The following CNOT11 variants were observed in gnomAD, a reference collection of about 807,000 sequenced individuals.
CNOT11 encodes the protein CCR4-NOT transcription complex subunit 11, also known as UPF0760 protein C2orf29.
A neutral mutation model predicts 44.6 loss-of-function variants in CNOT11; 18 were observed. The ratio of observed to expected loss-of-function variants is 0.40; its 90% CI spans 0.28 to 0.60. The LOEUF is 0.60. Among genes scored for constraint, CNOT11 ranks in the 20% least tolerant of loss-of-function variants. The probability of loss-of-function intolerance (pLI) is 0.38; values close to 1 mark genes in which losing one functional copy is unlikely to be tolerated. For synonymous variants in CNOT11, 291 were observed against 270.9 expected (o/e 1.07, Z -0.73); for missense variants, 513 against 677.0 (o/e 0.76, Z 2.69).
At chr2:101,268,997 TA>T in intron 5 of CNOT11, 42 bp from the exon 6 acceptor site, 1 of 1,263,938 alleles carries the variant, frequency 7.9e-7, no homozygotes, top group Non-Finnish European at 1.1e-6. Context: ...TTCTCAATGT[TA>T]GCAAATGAAA....
chr2:101,262,432 A>G (rs1333800418), intron 2 of CNOT11, 107 bp from the exon 3 acceptor site: 5 of 947,524 alleles, frequency 5.3e-6, no homozygotes, highest in Non-Finnish European at 4.9e-6. Context: ...CTCTCTCTGA[A>G]TCTGGCCCTT....
chr2:101,258,134 C>G (rs1038872208), intron 2 of CNOT11, among the ~76,000 whole-genome samples, 179 bp downstream of exon 2: 3 of 152,122 alleles, frequency 2.0e-5, no homozygotes, highest in Admixed American at 6.6e-5. Flanking sequence ...TGGCTCACAC[C>G]TGTAATCCCA....
Position 101,269,443 on chromosome 2 carries a change from C to T in CNOT11, c.*30C>T, listed in dbSNP as rs747754902. On this transcript the variant is annotated 3_prime_UTR_variant, in exon 7 of 7. Transcript: ENST00000289382. This position sits in a 1 kb window ranked among gnomAD's most constrained non-coding sequence, Gnocchi z 4.8. Reference sequence around the variant, plus strand: ...TCATCAGAACCATCCCATCCATTCACTGTTCAGCTGTACTGTGATTTAGTT... The same window carrying T: ...TCATCAGAACCATCCCATCCATTCATTGTTCAGCTGTACTGTGATTTAGTT... 1 of 1,590,258 alleles carries T rather than the reference C, an allele frequency of 6.3e-7. No homozygotes were observed. Among genetic ancestry groups the T allele is most frequent in the South Asian group, 1.1e-5 (1 of 90,510 alleles).
chr2:101,268,585 T>A (rs1327869462), intron 5 of CNOT11, among the ~76,000 whole-genome samples: 3 of 152,090 alleles, frequency 2.0e-5, no homozygotes, highest in African/African-American at 7.2e-5. Context: ...TTGAAAAAAG[T>A]TTTGAGGTCT....
chr2:101,252,898 C>G lies in CNOT11; in HGVS notation c.-67C>G. ...GTCGTGTAACAGCGCGCTTTACGGC[C>G]GCGGGGACGGAGCGAGCCGGCGCCA... On this transcript the variant is annotated 5_prime_UTR_variant, in exon 1 of 7. Coordinates refer to ENST00000289382, the MANE Select transcript of CNOT11 (RefSeq NM_017546.5). 2 of 1,352,912 alleles carry G rather than the reference C, an allele frequency of 1.5e-6. No homozygotes were observed. The highest frequency in any genetic ancestry group is 3.4e-5 in the South Asian group (2 of 59,016). The allele number at this position is 1,352,912 out of a possible 1,614,324, so 83.8% of individuals were successfully genotyped here.
intron 1 of CNOT11, among the ~76,000 whole-genome samples, chr2:101,254,476 G>A (rs1385464548): frequency 6.6e-6 from 1 of 152,132 alleles, no homozygotes; most frequent in East Asian, 1.9e-4. Flanking sequence ...TATCTAAGAA[G>A]GGCAACCCTT....
chr2:101,260,548 C>T (rs908344262), intron 2 of CNOT11, among the ~76,000 whole-genome samples: 1 of 152,066 alleles, frequency 6.6e-6, no homozygotes, highest in Non-Finnish European at 1.5e-5. Context: ...AAGCATGCCT[C>T]CACTCTGGAG....
At chr2:101,256,179 A>C (rs115172439) in intron 1 of CNOT11, among the ~76,000 whole-genome samples, 1 of 151,858 alleles carries the variant, frequency 6.6e-6, no homozygotes, top group Non-Finnish European at 1.5e-5. Context: ...ATTTTGTGCA[A>C]CCGGGGTGTA....
intron 3 of CNOT11, among the ~76,000 whole-genome samples, chr2:101,263,165 C>G (rs956706248): frequency 1.3e-5 from 2 of 151,598 alleles, no homozygotes; most frequent in Non-Finnish European, 2.9e-5. Context: ...GAGCCGAGAT[C>G]GAACCACTGC....
Position 101,257,835 on chromosome 2 carries a change from C to T in CNOT11, c.559C>T (p.Gln187Ter). ...ITPPEKFFLS[Q>*]LMLAPPRELF... ...TCCACCAGAAAAGTTTTTTCTTTCC[C>T]AGCTGATGCTGGCACCCCCACGGGA... The change falls in exon 2 of 7, where the codon CAG (glutamine) becomes TAG (stop). Residue 187 changes from glutamine to a stop codon, truncating the protein, a stop_gained. Transcript: ENST00000289382. LOFTEE classifies it high-confidence loss of function. The T allele has an allele frequency of 6.2e-7, 1 of 1,613,564 alleles. No individual in the cohort carries two copies. Among genetic ancestry groups the T allele is most frequent in the Non-Finnish European group, 8.5e-7 (1 of 1,179,812 alleles).
intron 2 of CNOT11, among the ~76,000 whole-genome samples, chr2:101,261,524 G>T (rs1416663789): frequency 6.6e-6 from 1 of 152,172 alleles, no homozygotes; most frequent in African/African-American, 2.4e-5. Context: ...GCGTGTGAAA[G>T]TGTGTCTCCT....
chr2:101,258,817 A>C (rs1010470243), intron 2 of CNOT11, among the ~76,000 whole-genome samples: 14 of 150,768 alleles, frequency 9.3e-5, no homozygotes, highest in Non-Finnish European at 2.1e-4. Context: ...CTGTCTCAAA[A>C]AAAAAAAAAA....
At position 101,253,115 on chromosome 2, in the gene CNOT11, A is replaced by G; in HGVS notation, c.151A>G (p.Ser51Gly). ...RGGASGPGSG[S>G]GGPGGPAGRM... ...CGGAGCAAGCGGCCCCGGGTCCGGG[A>G]GCGGAGGCCCGGGGGGCCCCGCGGG... The change falls in exon 1 of 7, where the codon AGC becomes GGC. Residue 51 changes from serine to glycine, a missense_variant. Physicochemically the swap from Ser to Gly is moderately conservative, Grantham distance 56. This residue lies in a region of CNOT11 where 259 missense variants were observed against 265.7 expected (regional missense o/e 0.97). Coordinates refer to ENST00000289382, the MANE Select transcript of CNOT11 (RefSeq NM_017546.5). This position sits in a 1 kb window ranked among gnomAD's most constrained non-coding sequence, Gnocchi z 4.3. 6 of 1,528,750 alleles carry G rather than the reference A, an allele frequency of 3.9e-6. No homozygotes were observed. The highest frequency in any genetic ancestry group is 3.5e-6 in the Non-Finnish European group (4 of 1,145,932). 94.7% of individuals were successfully genotyped at this position (1,528,750 alleles called of 1,614,324 possible). A position where few individuals can be genotyped will look rare whatever the true frequency, so the allele number is the denominator to read the frequency against.
intron 5 of CNOT11, among the ~76,000 whole-genome samples, chr2:101,268,315 A>G (rs900986929): frequency 6.6e-6 from 1 of 152,098 alleles, no homozygotes; most frequent in South Asian, 2.1e-4. Context: ...CCCTTTCACC[A>G]TATTCTTATA....
intron 5 of CNOT11, among the ~76,000 whole-genome samples, chr2:101,267,913 C>T (rs186537749): frequency 1.3e-5 from 2 of 152,124 alleles, no homozygotes; most frequent in East Asian, 1.9e-4. Context: ...AACTAAACTT[C>T]AGTACTGGAG....
chr2:101,269,514 T>A lies in CNOT11; in HGVS notation c.*101T>A. 1 of 970,496 alleles carries A rather than the reference T, an allele frequency of 1.0e-6. No homozygotes were observed. The highest frequency in any genetic ancestry group is 1.5e-6 in the Non-Finnish European group (1 of 652,886). The allele number at this position is 970,496 out of a possible 1,614,324, so 60.1% of individuals were successfully genotyped here. On this transcript the variant is annotated 3_prime_UTR_variant, in exon 7 of 7. Coordinates refer to ENST00000289382, the MANE Select transcript of CNOT11 (RefSeq NM_017546.5). The surrounding 1 kb of genome is among the most constrained non-coding windows in gnomAD (Gnocchi z 4.8). ...AGTGGATTGCTTGGTTTAATGCATA[T>A]AAACAGTACTTTATCTACTTAAAGC...
Position 101,269,320 on chromosome 2 carries a change from A to G in CNOT11, c.1440A>G (p.Glu480=), listed in dbSNP as rs552111367. ...TAGAAGTGCAGGCATTCTGTATTGAATTCAGTAGGATACGAGAAGCTGCTG... is the reference window on the plus strand; with the variant it reads ...TAGAAGTGCAGGCATTCTGTATTGAGTTCAGTAGGATACGAGAAGCTGCTG... ...LFIEVQAFCI[E]FSRIREAAGL... is the part of the protein sequence containing the mutation. Residue 480 remains glutamate (E), a synonymous_variant, in exon 7 of 7, where the codon GAA becomes GAG. Transcript: ENST00000289382. The surrounding 1 kb of genome is among the most constrained non-coding windows in gnomAD (Gnocchi z 4.8). The G allele has an allele frequency of 5.6e-6, 9 of 1,614,074 alleles. No homozygotes were observed. In the South Asian group the frequency reaches 6.6e-5, roughly 12 times the overall value.
intron 1 of CNOT11, among the ~76,000 whole-genome samples, chr2:101,256,773 G>A (rs1355157738): frequency 1.3e-5 from 2 of 152,236 alleles, no homozygotes; most frequent in Admixed American, 1.3e-4. Context: ...ATTGGGCCAG[G>A]CGTGGTGGCT....
chr2:101,257,066 A>G (rs756902840), intron 1 of CNOT11, among the ~76,000 whole-genome samples: 14 of 151,324 alleles, frequency 9.3e-5, no homozygotes, highest in Non-Finnish European at 1.8e-4. Flanking sequence ...AAAAGAAAAG[A>G]AAATGAAGTT....
Sources: gnomAD v4.1 joint callset for allele counts (sites outside exome capture counted in the v4.1 genomes callset) on GRCh38, gnomAD v4.1.1 for gene constraint, gnomAD v4.1.1 regional missense constraint, Gnocchi (gnomAD v3.1) non-coding constraint, MANE v1.5 for transcripts, NCBI Gene and HGNC (gene_info 2026-07-23, HGNC 2026-07-21) for gene names.